SHISA9: variants seen among roughly 807,000 people sequenced by gnomAD.
SHISA9 encodes the protein shisa family member 9.
Under a neutral mutation model 38.0 loss-of-function variants are expected in SHISA9, and 13 were observed. That is an observed-to-expected ratio of 0.34 (90% CI 0.22 to 0.54). The LOEUF (loss-of-function observed/expected upper bound fraction) is 0.54, where lower values mean the gene tolerates loss of function less well. SHISA9 is among the 20% of genes least tolerant of loss of function. The pLI, the probability that SHISA9 is intolerant of heterozygous loss-of-function variation, is 0.91. For synonymous variants in SHISA9, 275 were observed against 242.0 expected (o/e 1.14, Z -1.27); for missense variants, 538 against 575.8 (o/e 0.93, Z 0.67).
the SHISA9 span, among the ~76,000 whole-genome samples, chr16:13,561,391 A>G: frequency 4.0e-4 from 61 of 152,178 alleles, no homozygotes; most frequent in Non-Finnish European, 6.5e-4. Flanking sequence ...ACAATACCCC[A>G]GAGAGATTCC....
At chr16:13,180,368 C>T (rs909871490) in intron 2 of SHISA9, among the ~76,000 whole-genome samples, 8 of 152,156 alleles carry the variant, frequency 5.3e-5, no homozygotes, top group Non-Finnish European at 1.0e-4. Flanking sequence ...CCAGAGGGAG[C>T]CTGTCCATGG....
chr16:13,367,592 A>G, the SHISA9 span, among the ~76,000 whole-genome samples: 1 of 149,406 alleles, frequency 6.7e-6, no homozygotes, highest in Non-Finnish European at 1.5e-5. Context: ...TGAATTCTGC[A>G]TCATTAGTAA....
chr16:13,093,739 C>T (rs949379422), intron 2 of SHISA9, among the ~76,000 whole-genome samples: 1 of 152,178 alleles, frequency 6.6e-6, no homozygotes, highest in African/African-American at 2.4e-5. Context: ...CCTCCCCAAT[C>T]TCTGCCTTTG....
intron 2 of SHISA9, among the ~76,000 whole-genome samples, chr16:13,143,171 A>C (rs2050417334): frequency 1.3e-5 from 2 of 151,484 alleles, no homozygotes; most frequent in Non-Finnish European, 2.9e-5. Flanking sequence ...AGGCCTGGCT[A>C]ACTATTTTTT....
At chr16:13,002,338 A>T (rs1567177926) in intron 2 of SHISA9, among the ~76,000 whole-genome samples, 1 of 152,170 alleles carries the variant, frequency 6.6e-6, no homozygotes. Context: ...CATGGTAATA[A>T]AAGCCTGCAG....
the SHISA9 span, chr16:13,562,831 G>T: frequency 6.6e-6 from 1 of 151,652 alleles, no homozygotes; most frequent in Non-Finnish European, 1.5e-5. Flanking sequence ...TGCCCTCCGT[G>T]GCTTGGTTTC....
At chr16:13,212,112 G>T (rs1310430593) in intron 3 of SHISA9, among the ~76,000 whole-genome samples, 34 of 152,302 alleles carry the variant, frequency 2.2e-4, no homozygotes, top group African/African-American at 7.2e-4. Context: ...TGTTTAAATG[G>T]GGCCGGATCT....
rs187993190 is a variant in SHISA9 at position 13,074,221 on chromosome 16, C to T, written c.692-129173C>T. On this transcript the variant is annotated intron_variant, in intron 2 of 4. Transcript: ENST00000558583. ...CTGACCTCAGGTGATCCACCCCCCTCGGCCTCCCAAAGTGCTGAGATTACG... is the reference window on the plus strand; with the variant it reads ...CTGACCTCAGGTGATCCACCCCCCTTGGCCTCCCAAAGTGCTGAGATTACG... 4.9e-3 allele frequency among the ~76,000 whole-genome samples: 748 copies of T among 152,178 alleles called. 20 individuals carry two copies. The highest frequency in any genetic ancestry group is 9.1e-3 in the East Asian group (47 of 5,168).
intron 2 of SHISA9, among the ~76,000 whole-genome samples, chr16:13,014,628 G>A (rs1050080148): frequency 2.0e-5 from 3 of 151,702 alleles, no homozygotes; most frequent in South Asian, 2.1e-4. Flanking sequence ...ATCTCATCTC[G>A]GGTTACTGCT....
At chr16:13,471,466 T>C in the SHISA9 span, among the ~76,000 whole-genome samples, 1 of 152,236 alleles carries the variant, frequency 6.6e-6, no homozygotes, top group Non-Finnish European at 1.5e-5. Flanking sequence ...ATATAAGCAC[T>C]GACAAATGCT....
chr16:13,322,863 A>C, the SHISA9 span, among the ~76,000 whole-genome samples: 6 of 152,244 alleles, frequency 3.9e-5, no homozygotes, highest in African/African-American at 1.4e-4. Context: ...CTCCCACATT[A>C]TGGTTGTGGG....
At chr16:13,375,130 A>G in the SHISA9 span, among the ~76,000 whole-genome samples, 6,321 of 151,972 alleles carry the variant, frequency 0.042, 262 homozygotes, top group African/African-American at 0.11. Flanking sequence ...TTGCCTGTTC[A>G]CTCCGATGGT....
the SHISA9 span, among the ~76,000 whole-genome samples, chr16:13,431,668 A>T: frequency 6.6e-6 from 1 of 152,228 alleles, no homozygotes; most frequent in African/African-American, 2.4e-5. Context: ...CCTCAACAGT[A>T]GCTTCTGGAC....
chr16:13,366,645 C>T, the SHISA9 span, among the ~76,000 whole-genome samples: 1 of 151,868 alleles, frequency 6.6e-6, no homozygotes. Flanking sequence ...GAGTTTGAGA[C>T]CAGCCTGGAG....
intron 1 of SHISA9, among the ~76,000 whole-genome samples, chr16:12,914,666 C>T (rs1280431960): frequency 6.6e-6 from 1 of 152,168 alleles, no homozygotes; most frequent in Admixed American, 6.5e-5. Context: ...CTCTGTCTCA[C>T]AGCCGAGATG....
At chr16:13,505,935 T>C in the SHISA9 span, among the ~76,000 whole-genome samples, 3 of 152,196 alleles carry the variant, frequency 2.0e-5, no homozygotes, top group Non-Finnish European at 2.9e-5. Context: ...TCAAAAATCA[T>C]TGCCCATTGG....
chr16:13,391,557 G>T, the SHISA9 span, among the ~76,000 whole-genome samples: 48 of 152,188 alleles, frequency 3.2e-4, no homozygotes, highest in Non-Finnish European at 5.3e-4. Flanking sequence ...CAGATGGCTG[G>T]GTTCGGGGGG....
chr16:13,014,696 G>C (rs1256155479), intron 2 of SHISA9, among the ~76,000 whole-genome samples: 2 of 152,202 alleles, frequency 1.3e-5, no homozygotes, highest in African/African-American at 2.4e-5. Context: ...GAGGAATTCT[G>C]AGCCGGGGGT....
the SHISA9 span, among the ~76,000 whole-genome samples, chr16:13,396,273 G>A: frequency 2.6e-5 from 4 of 152,292 alleles, no homozygotes; most frequent in East Asian, 1.9e-4. Flanking sequence ...TTGGGAGGCC[G>A]AGGCCGGCGG....
Sources: allele counts gnomAD v4.1 joint callset (sites outside exome capture counted in the v4.1 genomes callset), GRCh38; gene constraint gnomAD v4.1.1; transcripts MANE v1.5; gene names NCBI Gene and HGNC (gene_info 2026-07-23, HGNC 2026-07-21).